The following SYNPO variants were observed in gnomAD, a reference collection of about 807,000 sequenced individuals.
The protein encoded by SYNPO is synaptopodin.
A neutral mutation model predicts 49.5 loss-of-function variants in SYNPO; 19 were observed. The ratio of observed to expected loss-of-function variants is 0.38; its 90% CI spans 0.27 to 0.56. The LOEUF (loss-of-function observed/expected upper bound fraction) is 0.56. Among genes scored for constraint, SYNPO ranks in the 20% least tolerant of loss-of-function variants. The pLI is 0.68. For missense variants in SYNPO, 1,131 were observed against 1,248.3 expected, an observed-to-expected ratio of 0.91 and a Z score of 1.42; for synonymous variants, 536 against 548.0, an observed-to-expected ratio of 0.98 and a Z score of 0.31.
chr5:150,593,644 G>C, the SYNPO span, among the ~76,000 whole-genome samples: 13 of 152,164 alleles, frequency 8.5e-5, no homozygotes, highest in East Asian at 2.3e-3. Context: ...TGTTTTTGTA[G>C]AGATGGGGTT....
intron 1 of SYNPO, among the ~76,000 whole-genome samples, chr5:150,644,954 G>A (rs1436559967): frequency 3.3e-5 from 5 of 152,204 alleles, no homozygotes; most frequent in African/African-American, 9.7e-5. Flanking sequence ...ATAGGTTAGG[G>A]GAAAACCAGG....
chr5:150,596,641 C>T (rs1244305617), upstream of SYNPO, among the ~76,000 whole-genome samples: 1 of 152,120 alleles, frequency 6.6e-6, no homozygotes, highest in African/African-American at 2.4e-5. Context: ...GAAGGTTGCT[C>T]TGCCAGAGAT....
chr5:150,586,427 C>T, the SYNPO span, among the ~76,000 whole-genome samples: 59,372 of 152,034 alleles, frequency 0.39, 11,863 homozygotes, highest in Middle Eastern at 0.53. Context: ...CAGGGAAGCC[C>T]GCCCTGATAC....
chr5:150,592,876 C>T, the SYNPO span, among the ~76,000 whole-genome samples: 1 of 152,286 alleles, frequency 6.6e-6, no homozygotes, highest in African/African-American at 2.4e-5. Flanking sequence ...TCCTGCCCAC[C>T]CCATGTGGGC....
the SYNPO span, among the ~76,000 whole-genome samples, chr5:150,589,063 A>ATTTTT: frequency 2.1e-5 from 3 of 145,256 alleles, no homozygotes; most frequent in Non-Finnish European, 4.5e-5. Context: ...TGCTTTATAG[A>ATTTTT]TTTTTTTTTT....
rs889764408 is a variant in SYNPO at position 150,657,167 on chromosome 5, C to T, written c.*80C>T. The T allele has an allele frequency of 1.1e-4, 152 of 1,438,298 alleles. No individual in the cohort carries two copies. The highest frequency in any genetic ancestry group is 1.3e-4 in the Non-Finnish European group (144 of 1,075,238). 89.1% of individuals were successfully genotyped at this position (1,438,298 alleles called of 1,614,324 possible). A position where few individuals can be genotyped will look rare whatever the true frequency, so the allele number is the denominator to read the frequency against. On this transcript the variant is annotated 3_prime_UTR_variant, in exon 3 of 3. Coordinates refer to ENST00000307662, the MANE Select transcript of SYNPO (RefSeq NM_007286.6). ...ACCTGGGGGACCCAAAGGGTCTGGC[C>T]TCTTTGGGCAGCCCCAGAGATGAGG... is the stretch of plus-strand genomic sequence containing the variant.
chr5:150,645,618 C>T (rs1172817199), intron 1 of SYNPO, among the ~76,000 whole-genome samples: 2 of 152,312 alleles, frequency 1.3e-5, no homozygotes, highest in Middle Eastern at 3.4e-3. Context: ...CCATGATGAC[C>T]TTGTTCCTGC....
rs190880298 is a variant in SYNPO at position 150,612,478 on chromosome 5, G to A, written c.-265-5625G>A. On this transcript the variant is annotated intron_variant, in intron 1 of 2. Transcript: ENST00000394243. Reference sequence around the variant, plus strand: ...CATTCGTTCATCTTTTCATTCTTTCGCTCAGCAACTACTTATACCATTGAG... The same window carrying A: ...CATTCGTTCATCTTTTCATTCTTTCACTCAGCAACTACTTATACCATTGAG... 8.3e-3 allele frequency among the ~76,000 whole-genome samples: 1,262 copies of A among 151,824 alleles called. 17 individuals carry two copies. The highest frequency in any genetic ancestry group is 0.065 in the South Asian group (311 of 4,798).
chr5:150,646,432 C>T (rs253349), intron 1 of SYNPO, among the ~76,000 whole-genome samples: 27,411 of 152,102 alleles, frequency 0.18, 3,031 homozygotes, highest in Non-Finnish European at 0.26. Context: ...ATATTAGTGG[C>T]GTCTCTTTAT....
chr5:150,626,475 A>G (rs1008687792), intron 2 of SYNPO, among the ~76,000 whole-genome samples: 5 of 151,916 alleles, frequency 3.3e-5, no homozygotes, highest in Admixed American at 1.3e-4. Context: ...TGCAGCCCCC[A>G]CTTTCCAGGC....
chr5:150,609,903 G>T (rs1285962012), intron 1 of SYNPO, among the ~76,000 whole-genome samples: 1 of 152,062 alleles, frequency 6.6e-6, no homozygotes, highest in Non-Finnish European at 1.5e-5. Flanking sequence ...CCATTTTCTG[G>T]TGTGGCCAAG....
intron 2 of SYNPO, among the ~76,000 whole-genome samples, chr5:150,630,767 T>C (rs1178763626): frequency 6.6e-6 from 1 of 152,140 alleles, no homozygotes; most frequent in Non-Finnish European, 1.5e-5. Flanking sequence ...CTTACTGAGC[T>C]TGGGTGGGCC....
At chr5:150,631,761 G>T (rs975582914) in intron 2 of SYNPO, among the ~76,000 whole-genome samples, 1 of 152,142 alleles carries the variant, frequency 6.6e-6, no homozygotes, top group Non-Finnish European at 1.5e-5. Context: ...GCTAAATGCA[G>T]AGTCTGGGGC....
At chr5:150,624,847 C>T (rs1312591167) in intron 2 of SYNPO, 3 of 984,556 alleles carry the variant, frequency 3.0e-6, no homozygotes, top group African/African-American at 1.8e-5. Flanking sequence ...CTGACGGACG[C>T]GGCCAGGTGT....
At chr5:150,613,061 G>T (rs923594895) in intron 1 of SYNPO, among the ~76,000 whole-genome samples, 1 of 152,244 alleles carries the variant, frequency 6.6e-6, no homozygotes, top group Non-Finnish European at 1.5e-5. Context: ...TTACAGGCAT[G>T]AGCCACTGGT....
At position 150,648,579 on chromosome 5, in the gene SYNPO, G is replaced by A. The variant is rs1287370893; in HGVS notation, c.304G>A (p.Ala102Thr). 1 of 1,614,020 alleles carries A rather than the reference G, an allele frequency of 6.2e-7. No homozygotes were observed. The highest frequency in any genetic ancestry group is 8.5e-7 in the Non-Finnish European group (1 of 1,180,040). Residue 102 changes from alanine to threonine, a missense_variant, in exon 2 of 3, where the codon GCA (alanine) becomes ACA (threonine). Ala to Thr is a moderately conservative substitution (Grantham distance 58). Coordinates refer to ENST00000307662, the MANE Select transcript of SYNPO (RefSeq NM_007286.6). This position sits in a 1 kb window ranked among gnomAD's most constrained non-coding sequence, Gnocchi z 5.0. Reference sequence around the variant, plus strand: ...CACCGATGTCAATCAGAACCCACCGGCAACTGTTGTCCCACAGAGCCTGCC... The same window carrying A: ...CACCGATGTCAATCAGAACCCACCGACAACTGTTGTCCCACAGAGCCTGCC... ...PATDVNQNPP[A>T]TVVPQSLPLS...
chr5:150,593,437 T>G, the SYNPO span, among the ~76,000 whole-genome samples: 1 of 152,222 alleles, frequency 6.6e-6, no homozygotes, highest in East Asian at 1.9e-4. Context: ...CTCTATTTTA[T>G]ATATTCCAGA....
chr5:150,625,096 G>A (rs1006130152), intron 2 of SYNPO, among the ~76,000 whole-genome samples: 2 of 152,372 alleles, frequency 1.3e-5, no homozygotes, highest in African/African-American at 2.4e-5. Context: ...TAGGTGGGGG[G>A]CTGGAGGGGT....
intron 1 of SYNPO, among the ~76,000 whole-genome samples, chr5:150,608,060 C>T (rs575728866): frequency 6.6e-6 from 1 of 152,234 alleles, no homozygotes; most frequent in Admixed American, 6.5e-5. Context: ...TATTTCCTTT[C>T]GAGGCACTCG....
Sources: allele counts gnomAD v4.1 joint callset (sites outside exome capture counted in the v4.1 genomes callset), GRCh38; gene constraint gnomAD v4.1.1; non-coding constraint Gnocchi (gnomAD v3.1); transcripts MANE v1.5; gene names NCBI Gene and HGNC (gene_info 2026-07-23, HGNC 2026-07-21).